Variants in CDH13 observed in about 807,000 individuals in gnomAD.
The protein encoded by CDH13 is cadherin-13.
In CDH13, 24 loss-of-function variants were observed where a neutral mutation model predicts 63.8. The observed-to-expected ratio is 0.38, with a 90% CI of 0.27 to 0.53. The LOEUF (loss-of-function observed/expected upper bound fraction) is 0.53. CDH13 is among the 20% of genes least tolerant of loss of function. The pLI is 0.85. For synonymous variants in CDH13, 503 were observed against 355.3 expected (o/e 1.42, Z -4.67); for missense variants, 1,049 against 903.1 (o/e 1.16, Z -2.07).
At chr16:83,337,953 C>T (rs1200576859) in intron 5 of CDH13, among the ~76,000 whole-genome samples, 4 of 151,756 alleles carry the variant, frequency 2.6e-5, no homozygotes, top group Non-Finnish European at 1.5e-5. Context: ...TAAGGGAGTC[C>T]ATGCAAAAAC....
At chr16:83,229,718 C>G (rs1348032858) in intron 5 of CDH13, among the ~76,000 whole-genome samples, 1 of 152,126 alleles carries the variant, frequency 6.6e-6, no homozygotes, top group African/African-American at 2.4e-5. Context: ...TAATAGGCTC[C>G]TTTAAGTAAA....
intron 4 of CDH13, among the ~76,000 whole-genome samples, chr16:83,144,085 G>T (rs1010732554): frequency 5.9e-5 from 9 of 152,104 alleles, no homozygotes; most frequent in Non-Finnish European, 1.2e-4. Flanking sequence ...TTTGGGGAAG[G>T]ATAAAATGAA....
chr16:83,164,866 C>T (rs563279407), intron 4 of CDH13, among the ~76,000 whole-genome samples: 1 of 147,682 alleles, frequency 6.8e-6, no homozygotes, highest in South Asian at 2.1e-4. Context: ...AGTGTCACGC[C>T]CTCACAAAGT....
intron 1 of CDH13, among the ~76,000 whole-genome samples, chr16:82,857,847 A>G (rs1597817387): frequency 7.1e-6 from 1 of 140,816 alleles, no homozygotes; most frequent in Admixed American, 7.0e-5. Flanking sequence ...TTTCAGACCT[A>G]TGACTGTTAA....
chr16:83,540,306 G>T (rs1351228954), intron 7 of CDH13, among the ~76,000 whole-genome samples: 2 of 152,124 alleles, frequency 1.3e-5, no homozygotes, highest in African/African-American at 4.8e-5. Flanking sequence ...TTGGCAGACC[G>T]ACAAACTGCG....
chr16:83,078,696 C>T (rs1360653151), intron 3 of CDH13, among the ~76,000 whole-genome samples: 2 of 152,364 alleles, frequency 1.3e-5, no homozygotes, highest in East Asian at 3.9e-4. Context: ...CTGGTTGGTC[C>T]TCTTATCAGG....
chr16:83,060,351 C>A (rs1378851893), intron 3 of CDH13, among the ~76,000 whole-genome samples: 1 of 152,128 alleles, frequency 6.6e-6, no homozygotes, highest in Non-Finnish European at 1.5e-5. Context: ...TCTTAAAAAT[C>A]CAGCATTTTT....
chr16:83,381,761 C>A (rs2091571743), intron 6 of CDH13, among the ~76,000 whole-genome samples: 1 of 151,990 alleles, frequency 6.6e-6, no homozygotes, highest in Non-Finnish European at 1.5e-5. Flanking sequence ...ACCTTCCTTC[C>A]TTTACTAGAT....
At chr16:83,460,037 T>C (rs1351617574) in intron 6 of CDH13, among the ~76,000 whole-genome samples, 1 of 152,128 alleles carries the variant, frequency 6.6e-6, no homozygotes, top group Admixed American at 6.6e-5. Context: ...AACAAGATTA[T>C]ATAAAGAACT....
chr16:83,480,141 A>T (rs910286326), intron 6 of CDH13, among the ~76,000 whole-genome samples: 1 of 152,170 alleles, frequency 6.6e-6, no homozygotes, highest in African/African-American at 2.4e-5. Context: ...CCCAGGCAAC[A>T]TGACAAAACC....
chr16:83,263,049 A>G, intron 5 of CDH13, among the ~76,000 whole-genome samples: 1 of 152,236 alleles, frequency 6.6e-6, no homozygotes, highest in East Asian at 1.9e-4. Flanking sequence ...TCTGGTGTTC[A>G]AATACATTTT....
At chr16:82,882,681 C>G (rs2040748438) in intron 2 of CDH13, among the ~76,000 whole-genome samples, 1 of 151,980 alleles carries the variant, frequency 6.6e-6, no homozygotes, top group Non-Finnish European at 1.5e-5. Flanking sequence ...TCTCTCTCTC[C>G]CTTTCTTCCT....
chr16:83,150,866 TC>T (rs2151693908), intron 4 of CDH13, among the ~76,000 whole-genome samples: 1 of 152,284 alleles, frequency 6.6e-6, no homozygotes, highest in African/African-American at 2.4e-5. Context: ...CTTAACCATT[TC>T]CATTATAGCA....
intron 3 of CDH13, among the ~76,000 whole-genome samples, chr16:83,035,595 C>G (rs1031596415): frequency 2.6e-5 from 4 of 152,174 alleles, no homozygotes; most frequent in African/African-American, 9.7e-5. Context: ...GGAAGTGAGA[C>G]TTGAGCCTGG....
intron 5 of CDH13, among the ~76,000 whole-genome samples, chr16:83,274,573 T>G (rs1313108720): frequency 2.0e-5 from 3 of 152,180 alleles, no homozygotes; most frequent in Admixed American, 6.5e-5. Flanking sequence ...AGAAAGGGAT[T>G]CTGTCTTTCC....
chr16:83,155,523 T>C (rs1481581416), intron 4 of CDH13, among the ~76,000 whole-genome samples: 1 of 152,170 alleles, frequency 6.6e-6, no homozygotes, highest in Non-Finnish European at 1.5e-5. Context: ...TCTAGGTGAC[T>C]CTTCCTCCAG....
At chr16:83,382,310 T>C (rs1209141847) in intron 6 of CDH13, among the ~76,000 whole-genome samples, 1 of 152,186 alleles carries the variant, frequency 6.6e-6, no homozygotes, top group Non-Finnish European at 1.5e-5. Context: ...TCATCCTTAA[T>C]TGGTTGTGCA....
In CDH13 at chr16:82,726,771, T is replaced by C. The variant is rs1032644622; in HGVS notation, c.45+99634T>C. On this transcript the variant is annotated intron_variant, in intron 1 of 13. Transcript: ENST00000567109. ...TGGTGCGTAGCACCCCCTTGAGAAA[T>C]ACTAGCTTTTATTGTTTTCATTGAA... Among the ~76,000 whole-genome samples the C allele has an allele frequency of 1.3e-5, 2 of 152,234 alleles. 1 individual carries two copies. Among genetic ancestry groups the C allele is most frequent in the Admixed American group, 1.3e-4 (2 of 15,286 alleles).
At chr16:83,132,090 C>G (rs2036079783) in intron 4 of CDH13, among the ~76,000 whole-genome samples, 1 of 152,172 alleles carries the variant, frequency 6.6e-6, no homozygotes, top group African/African-American at 2.4e-5. Context: ...GCCAAGGAGT[C>G]TGATAGTCTT....
Sources: gnomAD v4.1 joint callset for allele counts (sites outside exome capture counted in the v4.1 genomes callset) on GRCh38, gnomAD v4.1.1 for gene constraint, MANE v1.5 for transcripts, NCBI Gene and HGNC (gene_info 2026-07-23, HGNC 2026-07-21) for gene names.